NPSR1: variants seen among roughly 807,000 people sequenced by gnomAD.
The protein encoded by NPSR1 is neuropeptide S receptor.
Under a neutral mutation model 46.9 loss-of-function variants are expected in NPSR1, and 48 were observed. That is an observed-to-expected ratio of 1.02 (90% confidence interval 0.81 to 1.30). The LOEUF (loss-of-function observed/expected upper bound fraction) is 1.30. Ranked by LOEUF, NPSR1 falls within the 50% of genes most tolerant of loss-of-function variation. The pLI is 0.00. For synonymous variants in NPSR1, 176 were observed against 168.1 expected (o/e 1.05, Z -0.36); for missense variants, 450 against 449.5 (o/e 1.00, Z -0.01).
At chr7:34,705,341 C>G (rs1481173990) in intron 2 of NPSR1, among the ~76,000 whole-genome samples, 8 of 150,984 alleles carry the variant, frequency 5.3e-5, no homozygotes, top group Admixed American at 4.6e-4. Context: ...GTGGGAGGAT[C>G]GCTTGAATCC....
rs563941324 is a variant in NPSR1, at chr7:34,790,872, T to C, written c.384+12307T>C. Among the ~76,000 whole-genome samples the C allele has an allele frequency of 2.0e-3, 268 of 135,596 alleles. 8 individuals are homozygous for C. Among genetic ancestry groups the C allele is most frequent in the African/African-American group, 7.1e-3 (258 of 36,356 alleles). The allele number at this position is 135,596 out of a possible 152,430, so 89.0% of individuals were successfully genotyped here. On this transcript the variant is annotated intron_variant, in intron 3 of 8. Transcript: ENST00000360581. ...GTTATATGTTATGTTATATATGTTA[T>C]ATGTTATATTATATATCATATATGT...
At chr7:34,822,172 C>T (rs1789589244) in intron 4 of NPSR1, among the ~76,000 whole-genome samples, 1 of 152,170 alleles carries the variant, frequency 6.6e-6, no homozygotes, top group Admixed American at 6.5e-5. Flanking sequence ...GAGAACGCGA[C>T]ACGAGAGGTT....
chr7:34,846,314 T>C (rs1030676642), intron 7 of NPSR1, among the ~76,000 whole-genome samples: 40 of 152,076 alleles, frequency 2.6e-4, no homozygotes, highest in African/African-American at 9.4e-4. Flanking sequence ...AGGAACACCC[T>C]CTAGAGGGTC....
At chr7:34,875,903 G>GC (rs1791563954) in intron 8 of NPSR1, among the ~76,000 whole-genome samples, 1 of 152,076 alleles carries the variant, frequency 6.6e-6, no homozygotes. Context: ...AGTCCTGAAA[G>GC]CCCTATTATA....
intron 5 of NPSR1, 179 bp from the exon 6 acceptor site, chr7:34,834,205 T>C: frequency 1.7e-6 from 1 of 597,840 alleles, no homozygotes. Flanking sequence ...CTCCATCCAG[T>C]GGATCCTCAT....
At chr7:34,771,341 G>A (rs1325722288) in intron 2 of NPSR1, among the ~76,000 whole-genome samples, 3 of 152,144 alleles carry the variant, frequency 2.0e-5, no homozygotes, top group Admixed American at 6.5e-5. Context: ...TCAGGAGGCT[G>A]AGGCAAGAGG....
At chr7:34,747,129 C>CAAAAAAAAAAAAAAAAAAA in intron 2 of NPSR1, among the ~76,000 whole-genome samples, 1 of 106,966 alleles carries the variant, frequency 9.3e-6, no homozygotes, top group Non-Finnish European at 1.9e-5. Context: ...ACCAAAAAAA[C>CAAAAAAAAAAAAAAAAAAA]AAAAAAAAAA....
intron 1 of NPSR1, among the ~76,000 whole-genome samples, chr7:34,679,387 A>G (rs1028677264): frequency 2.6e-4 from 39 of 152,294 alleles, no homozygotes; most frequent in African/African-American, 8.9e-4. Flanking sequence ...AAACAAAGAT[A>G]TACCATTAAA....
chr7:34,725,314 C>G (rs533328315), intron 2 of NPSR1, among the ~76,000 whole-genome samples: 1 of 152,258 alleles, frequency 6.6e-6, no homozygotes, highest in East Asian at 1.9e-4. Context: ...TGTCTGAATA[C>G]CCATAATAAC....
At chr7:34,791,081 A>G (rs1787815794) in intron 3 of NPSR1, among the ~76,000 whole-genome samples, 1 of 100,758 alleles carries the variant, frequency 9.9e-6, no homozygotes, top group African/African-American at 4.7e-5. Flanking sequence ...TATATATGTT[A>G]TATGTTATAT....
intron 4 of NPSR1, among the ~76,000 whole-genome samples, chr7:34,822,216 C>T (rs1789592208): frequency 6.6e-6 from 1 of 152,048 alleles, no homozygotes; most frequent in Non-Finnish European, 1.5e-5. Context: ...ATTTTAGTAC[C>T]GCAGCTTGTC....
At chr7:34,846,334 T>C (rs1201614197) in intron 7 of NPSR1, among the ~76,000 whole-genome samples, 2 of 152,212 alleles carry the variant, frequency 1.3e-5, no homozygotes, top group Non-Finnish European at 2.9e-5. Flanking sequence ...CAGCAAATAT[T>C]GACAGCCCTA....
chr7:34,799,312 T>C (rs1205553174), intron 3 of NPSR1, among the ~76,000 whole-genome samples: 1 of 151,984 alleles, frequency 6.6e-6, no homozygotes, highest in Non-Finnish European at 1.5e-5. Context: ...AAAACAGGAA[T>C]TCAATACTGA....
chr7:34,831,312 A>ATC (rs927373702), intron 5 of NPSR1, among the ~76,000 whole-genome samples: 1 of 119,098 alleles, frequency 8.4e-6, no homozygotes, highest in Non-Finnish European at 1.7e-5. Flanking sequence ...TCTCACACAC[A>ATC]TCACACACAC....
chr7:34,803,029 A>C (rs1344158002), intron 3 of NPSR1, among the ~76,000 whole-genome samples: 1 of 150,178 alleles, frequency 6.7e-6, no homozygotes. Flanking sequence ...ACCATCTCAC[A>C]CCAGTTAGAA....
chr7:34,855,017 A>G lies in NPSR1; in HGVS notation c.1025+6354A>G, dbSNP rs1248315754. Among the ~76,000 whole-genome samples the G allele has an allele frequency of 3.3e-5, 5 of 152,242 alleles. No homozygotes were observed. The East Asian group carries it at 9.6e-4, about 29-fold the overall frequency. On this transcript the variant is annotated intron_variant, in intron 8 of 8. Coordinates refer to the NPSR1 transcript ENST00000359791. ...GAAAATTCAAATAGGTTTGGAAGTTAGGAAATACACTTCCGAACAACTTAT... is the reference window on the plus strand; with the variant it reads ...GAAAATTCAAATAGGTTTGGAAGTTGGGAAATACACTTCCGAACAACTTAT...
chr7:34,779,423 A>G (rs1194058317), intron 3 of NPSR1: 1 of 316,162 alleles, frequency 3.2e-6, no homozygotes, highest in Admixed American at 5.2e-5. Context: ...TGTATATATA[A>G]TGCATTTCTA....
At chr7:34,826,305 C>A (rs1789834955) in intron 4 of NPSR1, among the ~76,000 whole-genome samples, 1 of 152,124 alleles carries the variant, frequency 6.6e-6, no homozygotes, top group Admixed American at 6.5e-5. Flanking sequence ...AAGAACAGAA[C>A]CCTAGATATT....
At chr7:34,711,161 C>G in intron 2 of NPSR1, 1 of 234,580 alleles carries the variant, frequency 4.3e-6, no homozygotes, top group South Asian at 6.6e-5. Context: ...GATTGTAGAA[C>G]CATATATTGC....
Sources: gnomAD v4.1 joint callset for allele counts (sites outside exome capture counted in the v4.1 genomes callset) on GRCh38, gnomAD v4.1.1 for gene constraint, MANE v1.5 for transcripts, NCBI Gene and HGNC (gene_info 2026-07-23, HGNC 2026-07-21) for gene names.